VCL: variants seen among roughly 807,000 people sequenced by gnomAD.
VCL encodes the protein epididymis luminal protein 114.
In VCL, 47 loss-of-function variants were observed where a neutral mutation model predicts 125.7. The observed-to-expected ratio is 0.37, with a 90% CI of 0.30 to 0.48. VCL has a LOEUF of 0.48. Ranked by LOEUF, VCL falls within the 20% of genes least tolerant of loss-of-function variation. The pLI is 0.99. For missense variants in VCL, 1,069 were observed against 1,455.5 expected (o/e 0.73, Z 4.32); for synonymous variants, 458 against 514.6 (o/e 0.89, Z 1.49).
chr10:74,116,247 T>C (rs1479259122), intron 21 of VCL, among the ~76,000 whole-genome samples: 1 of 152,174 alleles, frequency 6.6e-6, no homozygotes, highest in Admixed American at 6.5e-5. Context: ...TATTGTTGCT[T>C]CTGCTACCAT....
chr10:74,042,253 T>G (rs1424229142), intron 1 of VCL, among the ~76,000 whole-genome samples: 1 of 152,250 alleles, frequency 6.6e-6, no homozygotes, highest in Non-Finnish European at 1.5e-5. Flanking sequence ...TATCTTAATT[T>G]ACTTAACTAT....
chr10:74,063,386 T>A (rs926772270), intron 2 of VCL, among the ~76,000 whole-genome samples: 1 of 152,182 alleles, frequency 6.6e-6, no homozygotes, highest in Middle Eastern at 3.2e-3. Context: ...AAGTCCAAAG[T>A]GAGTCAGCAG....
intron 1 of VCL, among the ~76,000 whole-genome samples, chr10:74,016,360 C>T (rs1840538802): frequency 6.6e-6 from 1 of 152,102 alleles, no homozygotes; most frequent in Non-Finnish European, 1.5e-5. Context: ...CCTGTAATCC[C>T]AGCACTTTGG....
intron 1 of VCL, among the ~76,000 whole-genome samples, chr10:74,028,404 T>C (rs1840813132): frequency 6.6e-6 from 1 of 150,478 alleles, no homozygotes; most frequent in Non-Finnish European, 1.5e-5. Context: ...TTTTTTTTTT[T>C]TTTTTTTTTG....
At chr10:74,107,413 G>T in intron 17 of VCL, 59 bp downstream of exon 17, 1 of 1,613,440 alleles carries the variant, frequency 6.2e-7, no homozygotes, top group East Asian at 2.2e-5. Flanking sequence ...TTCAGCAAGA[G>T]AGAGGTAGAT....
rs766937905 is a variant in VCL, at chr10:74,095,876, T to A, written c.1743+21T>A. On this transcript the variant is annotated intron_variant, in intron 12 of 21. Transcript: ENST00000211998. ...TAAAGGTAGAAGTCAGGAGCACATA[T>A]CATTTTACTTTTTATGCTTCCTATT... is the stretch of plus-strand genomic sequence containing the variant. The A allele has an allele frequency of 6.8e-6, 11 of 1,610,766 alleles. No homozygotes were observed. The South Asian group carries it at 1.2e-4, about 18-fold the overall frequency.
At chr10:74,010,044 C>T (rs529776925) in intron 1 of VCL, among the ~76,000 whole-genome samples, 1 of 152,264 alleles carries the variant, frequency 6.6e-6, no homozygotes, top group South Asian at 2.1e-4. Context: ...CCCTCTTCAG[C>T]CTCCCAAGTA....
intron 1 of VCL, among the ~76,000 whole-genome samples, chr10:74,020,322 G>A (rs977545718): frequency 6.6e-6 from 1 of 151,994 alleles, no homozygotes; most frequent in Non-Finnish European, 1.5e-5. Context: ...TATGAAAGAA[G>A]TCATGCCTTA....
chr10:74,095,104 C>T (rs1297689368), intron 11 of VCL, among the ~76,000 whole-genome samples: 1 of 152,090 alleles, frequency 6.6e-6, no homozygotes, highest in Non-Finnish European at 1.5e-5. Flanking sequence ...CCCATTGACT[C>T]AGGAAATTAA....
Position 74,107,415 on chromosome 10 carries a change from G to A in VCL, c.2559+61G>A, listed in dbSNP as rs748400015. On this transcript the variant is annotated intron_variant, in intron 17 of 21. Transcript: ENST00000211998. ...AAGGTGTTGAGACTTCAGCAAGAGA[G>A]AGGTAGATTGTGTTTTAGAGCCTCC... 3.7e-5 allele frequency: 60 copies of A among 1,613,242 alleles called. No homozygotes were observed. The Middle Eastern group carries it at 3.5e-3, about 93-fold the overall frequency.
chr10:74,106,460 T>A (rs1405165576), intron 16 of VCL, among the ~76,000 whole-genome samples: 1 of 152,186 alleles, frequency 6.6e-6, no homozygotes, highest in Non-Finnish European at 1.5e-5. Context: ...AATCTGGGTT[T>A]TCTTTAGGTG....
At chr10:74,044,544 A>T (rs554297737) in intron 2 of VCL, among the ~76,000 whole-genome samples, 1 of 152,338 alleles carries the variant, frequency 6.6e-6, no homozygotes, top group South Asian at 2.1e-4. Flanking sequence ...TTAGTTGTTG[A>T]TAAGATGTGG....
intron 1 of VCL, among the ~76,000 whole-genome samples, chr10:74,031,654 G>A (rs1840874480): frequency 6.6e-6 from 1 of 152,154 alleles, no homozygotes; most frequent in Non-Finnish European, 1.5e-5. Context: ...AAGAAGACAA[G>A]CTGGGCTGCA....
chr10:74,084,235 A>G (rs1053654161), intron 8 of VCL, among the ~76,000 whole-genome samples: 1 of 152,020 alleles, frequency 6.6e-6, no homozygotes, highest in Non-Finnish European at 1.5e-5. Flanking sequence ...GGCTGGGATT[A>G]CAGGTGTGAG....
rs143944164 is a variant in VCL, at chr10:74,083,438, A to C, written c.947A>C (p.Lys316Thr). The C allele has an allele frequency of 3.7e-6, 6 of 1,614,026 alleles. No homozygotes were observed. The African/African-American group carries it at 8.0e-5, about 22-fold the overall frequency. ...AGKVGELCAG[K>T]ERREILGTCK... Reference sequence around the variant, plus strand: ...AAAGTTGGTGAACTCTGTGCAGGCAAAGAACGCAGGGAGATTCTGGGAACT... The same window carrying C: ...AAAGTTGGTGAACTCTGTGCAGGCACAGAACGCAGGGAGATTCTGGGAACT... Residue 316 changes from lysine (K) to threonine (T), a missense_variant, in exon 8 of 22, where the codon AAA becomes ACA. Around this residue, in one of 6 missense-constraint regions of VCL, gnomAD observed 760 missense variants for 928.9 expected, o/e 0.82. Coordinates refer to ENST00000211998, the MANE Select transcript of VCL (RefSeq NM_014000.3).
chr10:74,070,644 G>A (rs1841649247), intron 2 of VCL, 26 bp from the exon 3 acceptor site: 3 of 1,613,788 alleles, frequency 1.9e-6, no homozygotes, highest in Non-Finnish European at 2.5e-6. Context: ...TTCTGCCGGT[G>A]TGTTAACCTG....
intron 2 of VCL, among the ~76,000 whole-genome samples, chr10:74,066,216 C>T (rs1470295197): frequency 6.6e-6 from 1 of 152,010 alleles, no homozygotes; most frequent in Admixed American, 6.6e-5. Flanking sequence ...TGTGCCACCA[C>T]GCCCAGCAAA....
chr10:74,114,660 G>A (rs1840284892), intron 20 of VCL, 135 bp from the exon 21 acceptor site: 3 of 1,017,142 alleles, frequency 2.9e-6, no homozygotes, highest in Non-Finnish European at 4.5e-6. Context: ...AAAAACAAGT[G>A]GAATTCTGCT....
intron 10 of VCL, among the ~76,000 whole-genome samples, chr10:74,091,810 A>AAAAAAAG (rs1839891334): frequency 4.8e-5 from 7 of 145,284 alleles, no homozygotes; most frequent in African/African-American, 1.1e-4. Flanking sequence ...AAAAAAAAAA[A>AAAAAAAG]AAAAGAAAAG....
Sources: gnomAD v4.1 joint callset for allele counts (sites outside exome capture counted in the v4.1 genomes callset) on GRCh38, gnomAD v4.1.1 for gene constraint, gnomAD v4.1.1 regional missense constraint, MANE v1.5 for transcripts, NCBI Gene and HGNC (gene_info 2026-07-23, HGNC 2026-07-21) for gene names.